CNTN5: variants seen among roughly 807,000 people sequenced by gnomAD.
CNTN5 encodes the protein contactin-5.
Under a neutral mutation model 129.1 loss-of-function variants are expected in CNTN5, and 77 were observed. The observed-to-expected ratio is 0.60, with a 90% CI of 0.50 to 0.72. The LOEUF is 0.72. Ranked by LOEUF, CNTN5 falls within the 30% of genes least tolerant of loss-of-function variation. The pLI is 0.00. For synonymous variants in CNTN5, 509 were observed against 465.6 expected (o/e 1.09, Z -1.20); for missense variants, 1,478 against 1,328.8 (o/e 1.11, Z -1.75).
intron 6 of CNTN5, among the ~76,000 whole-genome samples, chr11:99,898,247 A>G (rs945630711): frequency 6.6e-6 from 1 of 152,110 alleles, no homozygotes; most frequent in Admixed American, 6.5e-5. Flanking sequence ...AGGCCAAAAA[A>G]TGATACAAAG....
intron 2 of CNTN5, among the ~76,000 whole-genome samples, chr11:99,426,351 C>T (rs755521155): frequency 3.6e-4 from 55 of 151,986 alleles, no homozygotes; most frequent in Non-Finnish European, 7.2e-4. Flanking sequence ...ACAAATATTT[C>T]CAAAAAAAGG....
At chr11:99,253,087 C>T (rs538063387) in intron 1 of CNTN5, among the ~76,000 whole-genome samples, 3 of 152,044 alleles carry the variant, frequency 2.0e-5, no homozygotes, top group Admixed American at 6.6e-5. Context: ...ATAATCCCCA[C>T]GATTCAAGGG....
intron 9 of CNTN5, among the ~76,000 whole-genome samples, chr11:100,025,966 G>T (rs553403494): frequency 3.3e-5 from 5 of 152,302 alleles, no homozygotes; most frequent in Admixed American, 2.6e-4. Flanking sequence ...TTGGGGGACT[G>T]TTGTGAAGGC....
chr11:99,638,189 G>A (rs150158101), intron 3 of CNTN5, among the ~76,000 whole-genome samples: 8 of 152,222 alleles, frequency 5.3e-5, no homozygotes, highest in African/African-American at 1.7e-4. Flanking sequence ...GAGAAAATGA[G>A]GAAGCAAAAG....
intron 2 of CNTN5, among the ~76,000 whole-genome samples, chr11:99,337,896 T>C (rs1866305619): frequency 6.6e-6 from 1 of 152,148 alleles, no homozygotes; most frequent in Non-Finnish European, 1.5e-5. Context: ...AATAAATCTG[T>C]ACTAAATGTT....
chr11:100,177,962 C>CCAGGGTTCTCATTTCAAA, intron 13 of CNTN5, among the ~76,000 whole-genome samples: 1 of 152,058 alleles, frequency 6.6e-6, no homozygotes, highest in Non-Finnish European at 1.5e-5. Flanking sequence ...AAAAAACCTG[C>CCAGGGTTCTCATTTCAAA]CAGGGTTCTC....
intron 3 of CNTN5, among the ~76,000 whole-genome samples, chr11:99,643,667 C>G (rs147154139): frequency 6.6e-6 from 1 of 152,066 alleles, no homozygotes; most frequent in African/African-American, 2.4e-5. Context: ...TGGGCTCTTA[C>G]TGTTATTCCA....
intron 1 of CNTN5, among the ~76,000 whole-genome samples, chr11:99,030,700 T>C (rs1395457566): frequency 2.0e-5 from 3 of 152,150 alleles, no homozygotes; most frequent in Non-Finnish European, 4.4e-5. Context: ...TTTTCACTTT[T>C]ATTGTCTGTT....
chr11:99,127,233 A>G (rs1858683805), intron 1 of CNTN5, among the ~76,000 whole-genome samples: 1 of 152,178 alleles, frequency 6.6e-6, no homozygotes, highest in South Asian at 2.1e-4. Flanking sequence ...CTTACCATTG[A>G]AAAAGTAAAT....
chr11:99,235,753 T>G (rs2135741958), intron 1 of CNTN5, among the ~76,000 whole-genome samples: 1 of 152,304 alleles, frequency 6.6e-6, no homozygotes, highest in East Asian at 1.9e-4. Context: ...TTGTTTCTAC[T>G]GAATTTGCAA....
intron 1 of CNTN5, among the ~76,000 whole-genome samples, chr11:99,276,194 T>G (rs1368035017): frequency 6.6e-6 from 1 of 151,720 alleles, no homozygotes; most frequent in East Asian, 1.9e-4. Flanking sequence ...AGATGGATCT[T>G]GCTTCAAAGT....
intron 13 of CNTN5, among the ~76,000 whole-genome samples, chr11:100,093,653 T>A (rs897958147): frequency 2.0e-5 from 3 of 152,052 alleles, no homozygotes; most frequent in Non-Finnish European, 2.9e-5. Context: ...GGTTCTCTAA[T>A]TTTTTCTACA....
intron 2 of CNTN5, among the ~76,000 whole-genome samples, chr11:99,473,352 T>C (rs1434385818): frequency 6.6e-6 from 1 of 152,158 alleles, no homozygotes; most frequent in Non-Finnish European, 1.5e-5. Flanking sequence ...GTAAAACATA[T>C]AATAATAATG....
At chr11:99,932,391 C>T (rs1565691195) in intron 7 of CNTN5, among the ~76,000 whole-genome samples, 1 of 152,052 alleles carries the variant, frequency 6.6e-6, no homozygotes, top group Non-Finnish European at 1.5e-5. Flanking sequence ...CGGGGTTTCT[C>T]CATGTTGGCC....
chr11:99,129,483 C>T (rs1269336926), intron 1 of CNTN5, among the ~76,000 whole-genome samples: 1 of 152,106 alleles, frequency 6.6e-6, no homozygotes. Context: ...AAACCTGCAA[C>T]TCACTGAAGT....
chr11:99,841,238 T>A (rs138466967), intron 4 of CNTN5, among the ~76,000 whole-genome samples: 195 of 152,290 alleles, frequency 1.3e-3, no homozygotes, highest in African/African-American at 4.5e-3. Flanking sequence ...TCTCACAAAG[T>A]ATGGGCAGTA....
Position 99,956,813 on chromosome 11 carries a change from C to G in CNTN5, c.681C>G (p.Ile227Met), listed in dbSNP as rs774698713. The G allele has an allele frequency of 6.2e-7, 1 of 1,613,580 alleles. No individual in the cohort carries two copies. Among genetic ancestry groups the G allele is most frequent in the African/African-American group, 1.3e-5 (1 of 75,018 alleles). ...CSPPPHSPEI[I>M]YSWVFNEFPS... ...AATTTTGTGTATTTTCAGAGATCAT[C>G]TATAGCTGGGTATTTAATGAGTTCC... is the stretch of plus-strand genomic sequence containing the variant. The change falls in exon 8 of 25, where the codon ATC (isoleucine) becomes ATG (methionine). Residue 227 changes from isoleucine to methionine, a missense_variant. Ile to Met is a conservative substitution (Grantham distance 10). Transcript: ENST00000524871.
At chr11:99,655,213 A>G (rs1176559949) in intron 3 of CNTN5, among the ~76,000 whole-genome samples, 1 of 152,118 alleles carries the variant, frequency 6.6e-6, no homozygotes, top group Non-Finnish European at 1.5e-5. Context: ...GACAATGAGT[A>G]TCAAATCAAT....
At chr11:99,886,997 T>G (rs10501927) in intron 6 of CNTN5, among the ~76,000 whole-genome samples, 24,686 of 152,190 alleles carry the variant, frequency 0.16, 2,167 homozygotes, top group Non-Finnish European at 0.2. Flanking sequence ...AGACCGATTA[T>G]ACTAGTCAGG....
Sources: allele counts gnomAD v4.1 joint callset (sites outside exome capture counted in the v4.1 genomes callset), GRCh38; gene constraint gnomAD v4.1.1; transcripts MANE v1.5; gene names NCBI Gene and HGNC (gene_info 2026-07-23, HGNC 2026-07-21).